The following NCKAP5 variants were observed in gnomAD, a reference collection of about 807,000 sequenced individuals.
NCKAP5 encodes the protein nck-associated protein 5.
NCKAP5 carries 92 observed loss-of-function variants against 167.0 expected under a neutral mutation model. The observed-to-expected ratio is 0.55, with a 90% CI of 0.47 to 0.66. The LOEUF (loss-of-function observed/expected upper bound fraction) is 0.66, where lower values mean the gene tolerates loss of function less well. NCKAP5 is among the 30% of genes least tolerant of loss of function. NCKAP5 has a pLI of 0.00. For synonymous variants in NCKAP5, 891 were observed against 877.4 expected, an observed-to-expected ratio of 1.02 and a Z score of -0.27; for missense variants, 2,378 against 2,315.0, an observed-to-expected ratio of 1.03 and a Z score of -0.56.
In NCKAP5 at chr2:133,116,216, G is replaced by A. The variant is rs543347473; in HGVS notation, c.341+13762C>T. ...ATAAGAAAAATTTGTGGCCGGGCGC[G>A]GTGGCTCACGCCTGTAATCCCAGCA... On this transcript the variant is annotated intron_variant, in intron 6 of 19. Transcript: ENST00000409261. 2.2e-5 allele frequency among the ~76,000 whole-genome samples: 3 copies of A among 138,168 alleles called. 1 individual carries two copies. The highest frequency in any genetic ancestry group is 8.7e-5 in the African/African-American group (3 of 34,474). 90.6% of individuals were successfully genotyped at this position (138,168 alleles called of 152,430 possible).
chr2:133,443,456 C>T (rs1181150627), intron 3 of NCKAP5, among the ~76,000 whole-genome samples: 2 of 152,214 alleles, frequency 1.3e-5, no homozygotes, highest in East Asian at 3.8e-4. Flanking sequence ...GGTTCAGCTG[C>T]ATTTTCTACC....
chr2:132,958,288 A>T (rs1167225447), intron 8 of NCKAP5, among the ~76,000 whole-genome samples: 2 of 152,200 alleles, frequency 1.3e-5, no homozygotes, highest in Non-Finnish European at 2.9e-5. Flanking sequence ...AATAACATTA[A>T]TATGGTATGA....
chr2:133,291,573 C>T (rs1363283007), intron 4 of NCKAP5, among the ~76,000 whole-genome samples: 1 of 152,206 alleles, frequency 6.6e-6, no homozygotes, highest in African/African-American at 2.4e-5. Flanking sequence ...CAGGCTTTTA[C>T]ACCTGGTGAA....
intron 8 of NCKAP5, among the ~76,000 whole-genome samples, chr2:132,941,039 G>A (rs764823468): frequency 6.3e-4 from 96 of 152,032 alleles, no homozygotes; most frequent in Non-Finnish European, 1.1e-3. Context: ...AAAACTAAAA[G>A]TCAAGTTGCT....
chr2:133,649,973 AAAATAAAT>A, the NCKAP5 span, among the ~76,000 whole-genome samples: 1 of 152,178 alleles, frequency 6.6e-6, no homozygotes, highest in Non-Finnish European at 1.5e-5. Context: ...TCCACCAAAA[AAAATAAAT>A]AAATAAAACT....
At chr2:133,102,734 C>T (rs537797501) in intron 6 of NCKAP5, among the ~76,000 whole-genome samples, 53 of 143,648 alleles carry the variant, frequency 3.7e-4, no homozygotes, top group African/African-American at 1.3e-3. Flanking sequence ...ACAGGTTAGA[C>T]AAGCATGTAA....
intron 3 of NCKAP5, among the ~76,000 whole-genome samples, chr2:133,509,024 C>T: frequency 6.6e-6 from 1 of 152,220 alleles, no homozygotes; most frequent in East Asian, 1.9e-4. Flanking sequence ...CAACACTTAT[C>T]ACAGCAGCTG....
intron 5 of NCKAP5, among the ~76,000 whole-genome samples, chr2:133,204,183 T>A (rs909618032): frequency 6.6e-6 from 1 of 152,206 alleles, no homozygotes; most frequent in African/African-American, 2.4e-5. Flanking sequence ...TCTTTTCTGA[T>A]GGTATTATGG....
chr2:133,611,773 T>C, the NCKAP5 span, among the ~76,000 whole-genome samples: 1 of 152,196 alleles, frequency 6.6e-6, no homozygotes, highest in African/African-American at 2.4e-5. Context: ...TTCTCTCCCC[T>C]ATTAAACCCC....
At position 132,673,275 on chromosome 2, in the gene NCKAP5, C is replaced by A; in HGVS notation, c.*14G>T. 2 of 1,508,964 alleles carry A rather than the reference C, an allele frequency of 1.3e-6. No homozygotes were observed. The highest frequency in any genetic ancestry group is 2.5e-5 in the East Asian group (1 of 39,620). 93.5% of individuals were successfully genotyped at this position (1,508,964 alleles called of 1,614,324 possible). A position where few individuals can be genotyped will look rare whatever the true frequency, so the allele number is the denominator to read the frequency against. ...ATTTTCGATAATCTATTCTCGGGATCGTCTTTTGTTTCTTCAAGTTGTCTC... is the reference window on the plus strand; with the variant it reads ...ATTTTCGATAATCTATTCTCGGGATAGTCTTTTGTTTCTTCAAGTTGTCTC... On this transcript the variant is annotated 3_prime_UTR_variant, in exon 20 of 20. Transcript: ENST00000409261.
intron 3 of NCKAP5, among the ~76,000 whole-genome samples, chr2:133,364,384 C>T (rs1385471580): frequency 6.6e-6 from 1 of 152,162 alleles, no homozygotes; most frequent in Non-Finnish European, 1.5e-5. Flanking sequence ...ACTTTTTATG[C>T]TGAACTAGTT....
At chr2:133,318,430 A>G (rs1331724010) in intron 3 of NCKAP5, among the ~76,000 whole-genome samples, 1 of 152,214 alleles carries the variant, frequency 6.6e-6, no homozygotes, top group Non-Finnish European at 1.5e-5. Flanking sequence ...GTGGTACAAA[A>G]TGATTACCAA....
At chr2:133,238,888 A>G (rs905609569) in intron 4 of NCKAP5, among the ~76,000 whole-genome samples, 1 of 152,226 alleles carries the variant, frequency 6.6e-6, no homozygotes, top group African/African-American at 2.4e-5. Context: ...GGAATGAATG[A>G]AAGAGGGTCT....
intron 6 of NCKAP5, among the ~76,000 whole-genome samples, chr2:133,061,517 T>C (rs760491335): frequency 4.6e-5 from 7 of 152,158 alleles, no homozygotes; most frequent in Non-Finnish European, 1.0e-4. Context: ...AACCTAAAAG[T>C]TACAGAAAAC....
the NCKAP5 span, among the ~76,000 whole-genome samples, chr2:133,610,934 A>G: frequency 6.6e-6 from 1 of 152,098 alleles, no homozygotes; most frequent in Non-Finnish European, 1.5e-5. Context: ...CACAACTTAT[A>G]CTGGCCAGAG....
At chr2:133,277,923 G>A (rs1281183231) in intron 4 of NCKAP5, among the ~76,000 whole-genome samples, 1 of 152,046 alleles carries the variant, frequency 6.6e-6, no homozygotes, top group Non-Finnish European at 1.5e-5. Flanking sequence ...GGGACAATTC[G>A]TTGGCCATTT....
intron 4 of NCKAP5, among the ~76,000 whole-genome samples, chr2:133,254,333 A>G (rs1168877622): frequency 1.3e-5 from 2 of 152,004 alleles, no homozygotes; most frequent in Non-Finnish European, 2.9e-5. Flanking sequence ...ACACCCAGTC[A>G]CCCCAGAGGA....
chr2:133,198,803 AATT>A (rs1194277795), intron 5 of NCKAP5, among the ~76,000 whole-genome samples: 1 of 152,146 alleles, frequency 6.6e-6, no homozygotes, highest in Non-Finnish European at 1.5e-5. Flanking sequence ...CTGACATGGA[AATT>A]ACAGGGACCT....
chr2:132,896,188 T>C (rs906391744), intron 8 of NCKAP5, among the ~76,000 whole-genome samples: 13 of 152,128 alleles, frequency 8.5e-5, no homozygotes, highest in African/African-American at 3.1e-4. Context: ...CACAGTAAAC[T>C]TCTCAGCGTT....
Sources: gnomAD v4.1 joint callset for allele counts (sites outside exome capture counted in the v4.1 genomes callset) on GRCh38, gnomAD v4.1.1 for gene constraint, MANE v1.5 for transcripts, NCBI Gene and HGNC (gene_info 2026-07-23, HGNC 2026-07-21) for gene names.